ABCC6: variants seen among roughly 807,000 people sequenced by gnomAD.
The protein encoded by ABCC6 is ATP-binding cassette sub-family C member 6.
In ABCC6, 126 loss-of-function variants were observed where a neutral mutation model predicts 169.5. That is an observed-to-expected ratio of 0.74 (90% CI 0.64 to 0.86). The LOEUF is 0.86. Ranked by LOEUF, ABCC6 falls within the 40% of genes least tolerant of loss-of-function variation. ABCC6 has a pLI of 0.00. For synonymous variants in ABCC6, 752 were observed against 814.7 expected, an observed-to-expected ratio of 0.92 and a Z score of 1.31; for missense variants, 1,733 against 1,927.2, an observed-to-expected ratio of 0.90 and a Z score of 1.89.
At chr16:16,155,054 G>A (rs972837546) in intron 27 of ABCC6, 23 bp from the exon 28 acceptor site, 4 of 1,546,486 alleles carry the variant, frequency 2.6e-6, no homozygotes, top group Non-Finnish European at 2.6e-6. Context: ...GGGAGGAAAG[G>A]CCTGCTCTGA....
intron 20 of ABCC6, among the ~76,000 whole-genome samples, chr16:16,174,905 C>A (rs1421910979): frequency 6.6e-6 from 1 of 151,230 alleles, no homozygotes; most frequent in East Asian, 2.0e-4. Flanking sequence ...GGACTACAGG[C>A]ACATGCCACC....
At position 16,191,828 on chromosome 16, in the gene ABCC6, C is replaced by T. The variant is rs182203372; in HGVS notation, c.1431+1002G>A. ...TCCTCCTTTCCTTCTTCCCTCCCTC[C>T]TTTCTTCCATAGTTCACAAACACTT... On this transcript the variant is annotated intron_variant, in intron 11 of 30. Transcript: ENST00000205557. Among the ~76,000 whole-genome samples, 633 of 151,952 alleles carry T rather than the reference C, an allele frequency of 4.2e-3. 4 individuals carry two copies. The highest frequency in any genetic ancestry group is 5.6e-3 in the Non-Finnish European group (383 of 67,996).
chr16:16,181,016 AG>A (rs1351753415), intron 17 of ABCC6, among the ~76,000 whole-genome samples: 1 of 151,978 alleles, frequency 6.6e-6, no homozygotes, highest in Non-Finnish European at 1.5e-5. Context: ...ATAGTAAAGC[AG>A]GGGGAGCCAG....
rs372692483 is a variant in ABCC6, at chr16:16,190,375, C to T, written c.1432-8G>A. On this transcript the variant is annotated splice_region_variant and splice_polypyrimidine_tract_variant and intron_variant, in intron 11 of 30. Transcript: ENST00000205557. The stretch of plus-strand genomic sequence containing the variant: ...CTGCCTCATTTGCTCCTCCTGGGAT[C>T]GGAGGGAAAAAGAGAGATGAAGACA... The T allele has an allele frequency of 1.5e-5, 24 of 1,613,830 alleles. No homozygotes were observed. The highest frequency in any genetic ancestry group is 1.5e-4 in the African/African-American group (11 of 74,898).
intron 27 of ABCC6, among the ~76,000 whole-genome samples, chr16:16,157,165 A>C (rs1467170522): frequency 6.6e-6 from 1 of 152,034 alleles, no homozygotes; most frequent in Non-Finnish European, 1.5e-5. Context: ...GCAAATAATA[A>C]AAGCATTAGT....
At chr16:16,192,520 G>A (rs1567516116) in intron 11 of ABCC6, among the ~76,000 whole-genome samples, 1 of 152,144 alleles carries the variant, frequency 6.6e-6, no homozygotes. Context: ...AGCCTATGCT[G>A]GGAAGTGTGA....
In ABCC6 at chr16:16,169,773, G is replaced by T; in HGVS notation, c.2868C>A (p.Cys956Ter). Residue 956 changes from cysteine to a stop codon, truncating the protein, a stop_gained, in exon 22 of 31, where the codon TGC becomes TGA. Coordinates refer to ENST00000205557, the MANE Select transcript of ABCC6 (RefSeq NM_001171.6). LOFTEE classifies it high-confidence loss of function. ...CCCGGCAGAAGGAGGCCACTTGCTG[G>T]CAGAGGAAGAGGAAGAGTGCGTAGA... ...LCLYALFLFL[C>*]QQVASFCRGY... The T allele has an allele frequency of 6.3e-7, 1 of 1,594,444 alleles. No individual in the cohort carries two copies. The highest frequency in any genetic ancestry group is 8.5e-7 in the Non-Finnish European group (1 of 1,171,008).
chr16:16,162,940 C>T, intron 24 of ABCC6, 53 bp downstream of exon 24: 2 of 1,609,826 alleles, frequency 1.2e-6, no homozygotes, highest in Non-Finnish European at 1.7e-6. Flanking sequence ...CAGGTCTCAC[C>T]CTCTAAGGAT....
chr16:16,160,341 TAATA>T (rs1233019207), intron 25 of ABCC6, among the ~76,000 whole-genome samples: 1 of 152,130 alleles, frequency 6.6e-6, no homozygotes, highest in Non-Finnish European at 1.5e-5. Context: ...TTAAGTGAGT[TAATA>T]TTTATAAAAT....
At chr16:16,175,175 G>T (rs1178491608) in intron 20 of ABCC6, among the ~76,000 whole-genome samples, 1 of 152,112 alleles carries the variant, frequency 6.6e-6, no homozygotes. Context: ...ATTTCTCAGT[G>T]TGTGTGTGAT....
intron 9 of ABCC6, among the ~76,000 whole-genome samples, chr16:16,201,307 C>T (rs1259382644): frequency 1.3e-5 from 2 of 152,210 alleles, no homozygotes; most frequent in African/African-American, 2.4e-5. Flanking sequence ...TCTGGGAACA[C>T]AGCTGACAGG....
intron 4 of ABCC6, among the ~76,000 whole-genome samples, chr16:16,219,044 A>T (rs2048980158): frequency 8.6e-6 from 1 of 115,650 alleles, no homozygotes; most frequent in Non-Finnish European, 1.8e-5. Flanking sequence ...AGTCTGGGCG[A>T]CAGAGCAAGC....
At chr16:16,184,898 G>A in intron 15 of ABCC6, 61 bp downstream of exon 15, 1 of 1,532,226 alleles carries the variant, frequency 6.5e-7, no homozygotes, top group East Asian at 2.2e-5. Flanking sequence ...GAGGCAGCAG[G>A]AGCCCCATGC....
intron 5 of ABCC6, among the ~76,000 whole-genome samples, chr16:16,213,441 A>G (rs1206813979): frequency 6.6e-6 from 1 of 152,026 alleles, no homozygotes; most frequent in East Asian, 1.9e-4. Context: ...TCTCTTCCAC[A>G]AAAGAATTGT....
chr16:16,162,719 T>G (rs538374350), intron 24 of ABCC6, among the ~76,000 whole-genome samples: 6 of 152,192 alleles, frequency 3.9e-5, no homozygotes, highest in African/African-American at 1.4e-4. Context: ...CTGAGGATGC[T>G]TATATGGCTG....
At chr16:16,201,777 G>A (rs1340843415) in intron 9 of ABCC6, among the ~76,000 whole-genome samples, 2 of 152,116 alleles carry the variant, frequency 1.3e-5, no homozygotes, top group Non-Finnish European at 2.9e-5. Flanking sequence ...GCAGTGAGCC[G>A]AGATTGCACC....
intron 5 of ABCC6, among the ~76,000 whole-genome samples, chr16:16,213,558 CTTTTTTTTTTTTT>C (rs61603385): frequency 1.4e-5 from 1 of 72,390 alleles, no homozygotes; most frequent in African/African-American, 5.1e-5. Flanking sequence ...CTTTTTCCTT[CTTTTTTTTTTTTT>C]TTTTTTTTGG....
intron 22 of ABCC6, 108 bp from the exon 23 acceptor site, chr16:16,166,041 T>G: frequency 6.4e-6 from 7 of 1,100,598 alleles, no homozygotes; most frequent in Non-Finnish European, 9.2e-6. Flanking sequence ...ATCTTATGGC[T>G]TGGCCACCCT....
At chr16:16,215,891 A>G (rs1226378973) in intron 4 of ABCC6, among the ~76,000 whole-genome samples, 1 of 152,130 alleles carries the variant, frequency 6.6e-6, no homozygotes, top group Admixed American at 6.5e-5. Flanking sequence ...TCTGTTACAA[A>G]TGATCCATTC....
Sources: gnomAD v4.1 joint callset for allele counts (sites outside exome capture counted in the v4.1 genomes callset) on GRCh38, gnomAD v4.1.1 for gene constraint, MANE v1.5 for transcripts, NCBI Gene and HGNC (gene_info 2026-07-23, HGNC 2026-07-21) for gene names.